The following APCDD1L variants were observed in gnomAD, a reference collection of about 807,000 sequenced individuals.
APCDD1L encodes the protein protein APCDD1-like.
A neutral mutation model predicts 24.2 loss-of-function variants in APCDD1L; 21 were observed. The observed-to-expected ratio is 0.87, with a 90% CI of 0.61 to 1.25. The LOEUF is 1.25. Ranked by LOEUF, APCDD1L falls within the 50% of genes most tolerant of loss-of-function variation. The pLI, the probability that APCDD1L is intolerant of heterozygous loss-of-function variation, is 0.00. For synonymous variants in APCDD1L, 321 were observed against 323.6 expected (o/e 0.99, Z 0.09); for missense variants, 704 against 711.7 (o/e 0.99, Z 0.12).
At chr20:58,475,766 G>A (rs1259870989) in intron 1 of APCDD1L, among the ~76,000 whole-genome samples, 2 of 152,150 alleles carry the variant, frequency 1.3e-5, no homozygotes, top group African/African-American at 4.8e-5. Context: ...TTGAAATCAA[G>A]GTGTGGGTAG....
rs1343837663 is a variant in APCDD1L at position 58,467,148 on chromosome 20, G to A, written c.699C>T (p.His233=). 2 of 1,608,124 alleles carry A rather than the reference G, an allele frequency of 1.2e-6. No homozygotes were observed. Among genetic ancestry groups the A allele is most frequent in the Non-Finnish European group, 1.7e-6 (2 of 1,179,546 alleles). The change falls in exon 3 of 4, where the codon CAC becomes CAT. Residue 233 remains histidine (H), a synonymous_variant. Transcript: ENST00000371149. The surrounding 1 kb of genome is among the most constrained non-coding windows in gnomAD (Gnocchi z 5.9). ...DIHTDPAERR[H]YRPTGYQRPL... ...GGCGCTGGTAGCCCGTGGGCCGGTAGTGCCGCCTCTCCGCCGGGTCGGTGT... is the reference window on the plus strand; with the variant it reads ...GGCGCTGGTAGCCCGTGGGCCGGTAATGCCGCCTCTCCGCCGGGTCGGTGT...
At chr20:58,477,443 C>T (rs1412676815) in intron 1 of APCDD1L, among the ~76,000 whole-genome samples, 2 of 152,164 alleles carry the variant, frequency 1.3e-5, no homozygotes, top group African/African-American at 4.8e-5. Flanking sequence ...TCTGCTCATG[C>T]GTTTCTGGTA....
At chr20:58,476,639 C>T (rs1989915521) in intron 1 of APCDD1L, among the ~76,000 whole-genome samples, 1 of 152,226 alleles carries the variant, frequency 6.6e-6, no homozygotes, top group Non-Finnish European at 1.5e-5. Context: ...CAAACCATCC[C>T]AAGTGTCTTG....
intron 1 of APCDD1L, among the ~76,000 whole-genome samples, chr20:58,496,562 G>A (rs796859584): frequency 4.6e-5 from 7 of 152,328 alleles, no homozygotes; most frequent in Admixed American, 1.3e-4. Context: ...GGTGGGCTCC[G>A]TGGGCCTGAG....
chr20:58,511,700 G>A (rs750907422), intron 1 of APCDD1L, among the ~76,000 whole-genome samples: 20 of 152,234 alleles, frequency 1.3e-4, no homozygotes, highest in Admixed American at 2.6e-4. Context: ...ACGATTACGG[G>A]TCTCTATTCA....
At chr20:58,466,967 G>T in intron 3 of APCDD1L, 139 bp downstream of exon 3, 1 of 1,062,386 alleles carries the variant, frequency 9.4e-7, no homozygotes, top group Non-Finnish European at 1.3e-6. Context: ...GCGGACCAGA[G>T]TGGGGAGGGG....
intron 1 of APCDD1L, among the ~76,000 whole-genome samples, chr20:58,488,675 CA>C: frequency 6.6e-6 from 1 of 152,074 alleles, no homozygotes; most frequent in African/African-American, 2.4e-5. Flanking sequence ...TAGAACTAAG[CA>C]AAAAGTGAAA....
At chr20:58,483,203 T>C (rs1185233153) in intron 1 of APCDD1L, among the ~76,000 whole-genome samples, 2 of 151,878 alleles carry the variant, frequency 1.3e-5, no homozygotes, top group Non-Finnish European at 2.9e-5. Flanking sequence ...GAGGATGTAA[T>C]TAGTCCATGT....
chr20:58,498,208 T>A (rs2123181117), intron 1 of APCDD1L, among the ~76,000 whole-genome samples: 1 of 152,254 alleles, frequency 6.6e-6, no homozygotes, highest in East Asian at 1.9e-4. Context: ...CATTTTCCAA[T>A]TCAATAGTGT....
chr20:58,491,592 T>C (rs930135546), intron 1 of APCDD1L, among the ~76,000 whole-genome samples: 1 of 152,152 alleles, frequency 6.6e-6, no homozygotes, highest in African/African-American at 2.4e-5. Flanking sequence ...ACATTAAAGA[T>C]ATAAATAAAT....
intron 1 of APCDD1L, among the ~76,000 whole-genome samples, chr20:58,509,710 C>T (rs1051277449): frequency 5.9e-5 from 9 of 152,306 alleles, no homozygotes; most frequent in East Asian, 1.9e-4. Context: ...TGCTGGCTTA[C>T]GGTTAGAGAC....
Position 58,461,013 on chromosome 20 carries a change from A to G in APCDD1L, c.1283T>C (p.Ile428Thr), listed in dbSNP as rs149312027. 2.4e-5 allele frequency: 39 copies of G among 1,614,040 alleles called. No homozygotes were observed. The African/African-American group carries it at 4.7e-4, about 19-fold the overall frequency. ...TGAGCCATCGGTGGGCCTTTGTCCG[A>G]TGAAGAGCAGGCTTTGCCCGAGGGG... ...QDPLGQSLLF[I>T]GQRPTDGSSP... The change falls in exon 4 of 4, where the codon ATC (isoleucine) becomes ACC (threonine). Residue 428 changes from isoleucine to threonine, a missense_variant. Transcript: ENST00000371149. This position sits in a 1 kb window ranked among gnomAD's most constrained non-coding sequence, Gnocchi z 6.0.
intron 1 of APCDD1L, among the ~76,000 whole-genome samples, chr20:58,482,297 T>C (rs1294454375): frequency 2.0e-5 from 3 of 152,196 alleles, no homozygotes; most frequent in African/African-American, 7.2e-5. Flanking sequence ...TATTTAATTA[T>C]TGCACTATTT....
chr20:58,470,771 A>G, intron 1 of APCDD1L, 24 bp from the exon 2 acceptor site: 2 of 1,521,672 alleles, frequency 1.3e-6, no homozygotes, highest in Non-Finnish European at 1.8e-6. Flanking sequence ...AGACCTGGGT[A>G]AGACCCCAGC....
intron 1 of APCDD1L, among the ~76,000 whole-genome samples, chr20:58,512,974 A>G (rs1990657092): frequency 1.3e-5 from 2 of 152,186 alleles, no homozygotes; most frequent in Non-Finnish European, 2.9e-5. Context: ...AAGGTCACCG[A>G]GGAGCTGGGC....
At chr20:58,489,831 C>T (rs1990191923) in intron 1 of APCDD1L, among the ~76,000 whole-genome samples, 1 of 152,024 alleles carries the variant, frequency 6.6e-6, no homozygotes, top group African/African-American at 2.4e-5. Context: ...GAAGTTTATT[C>T]AATTTTGGGG....
intron 1 of APCDD1L, among the ~76,000 whole-genome samples, chr20:58,492,155 G>A (rs916346195): frequency 1.3e-5 from 2 of 152,228 alleles, no homozygotes; most frequent in Admixed American, 6.5e-5. Flanking sequence ...AGCTAGCAAA[G>A]GATTTCTTAA....
chr20:58,493,387 G>A (rs1443830691), intron 1 of APCDD1L, among the ~76,000 whole-genome samples: 6 of 152,156 alleles, frequency 3.9e-5, no homozygotes, highest in African/African-American at 1.4e-4. Context: ...TTTACACCCA[G>A]CAACAAGTCC....
At chr20:58,471,141 C>A (rs1302473107) in intron 1 of APCDD1L, among the ~76,000 whole-genome samples, 1 of 152,208 alleles carries the variant, frequency 6.6e-6, no homozygotes, top group Non-Finnish European at 1.5e-5. Context: ...AGGACCCACG[C>A]TCCTGGACAA....
Sources: allele counts gnomAD v4.1 joint callset (sites outside exome capture counted in the v4.1 genomes callset), GRCh38; gene constraint gnomAD v4.1.1; non-coding constraint Gnocchi (gnomAD v3.1); transcripts MANE v1.5; gene names NCBI Gene and HGNC (gene_info 2026-07-23, HGNC 2026-07-21).